STK11: variants seen among roughly 807,000 people sequenced by gnomAD.
The protein encoded by STK11 is serine/threonine-protein kinase STK11.
In STK11, 8 loss-of-function variants were observed where a neutral mutation model predicts 47.3. The ratio of observed to expected loss-of-function variants is 0.17; its 90% CI spans 0.10 to 0.31. The LOEUF (loss-of-function observed/expected upper bound fraction) is 0.31, where lower values mean the gene tolerates loss of function less well. STK11 is among the 10% of genes least tolerant of loss of function. STK11 has a pLI of 1.00. For missense variants in STK11, 475 were observed against 605.0 expected, an observed-to-expected ratio of 0.79 and a Z score of 2.25; for synonymous variants, 330 against 255.8, an observed-to-expected ratio of 1.29 and a Z score of -2.77.
intron 5 of STK11, 42 bp from the exon 6 acceptor site, chr19:1,221,171 C>A: frequency 6.2e-7 from 1 of 1,609,166 alleles, no homozygotes; most frequent in Non-Finnish European, 8.5e-7. Context: ...GCGTCAACCA[C>A]CTTGACTGAC....
Position 1,223,108 on chromosome 19 carries a change from C to A in STK11, c.1044C>A (p.Asp348Glu). The A allele has an allele frequency of 6.2e-7, 1 of 1,611,510 alleles. No homozygotes were observed. The highest frequency in any genetic ancestry group is 1.1e-5 in the South Asian group (1 of 90,748). The change falls in exon 8 of 10, where the codon GAC (aspartate) becomes GAA (glutamate). Residue 348 changes from aspartate (D) to glutamate (E), a missense_variant. Asp to Glu is a conservative substitution (Grantham distance 45). This residue lies in a region of STK11 where 219 missense variants were observed against 189.2 expected (regional missense o/e 1.16). Coordinates refer to ENST00000326873, the MANE Select transcript of STK11 (RefSeq NM_000455.5). ...VPYLEDLHGADEDEDLFDIED... is the reference protein window; with the variant it reads ...VPYLEDLHGAEEDEDLFDIED... ...ACTTGGAGGACCTGCACGGCGCGGA[C>A]GAGGACGAGGACCTCTTCGACATCG...
At chr19:1,210,348 G>A (rs867213881) in intron 1 of STK11, among the ~76,000 whole-genome samples, 3 of 152,162 alleles carry the variant, frequency 2.0e-5, no homozygotes, top group South Asian at 2.1e-4. Context: ...GTCTCGCAGC[G>A]AGTGTCTGGA....
At position 1,227,890 on chromosome 19, in the gene STK11, GC is replaced by G; in HGVS notation, c.*317del. On this transcript the variant is annotated 3_prime_UTR_variant, in exon 10 of 10. Transcript: ENST00000326873. ...ACTTTATGTGGAGACTACTGGCCCC[GC>G]CCGTGGCCTCGTGCTCCGCAGGGCG... The G allele has an allele frequency of 9.4e-7, 1 of 1,069,492 alleles. No individual in the cohort carries two copies. The highest frequency in any genetic ancestry group is 5.3e-5 in the Admixed American group (1 of 18,770). 66.3% of individuals were successfully genotyped at this position (1,069,492 alleles called of 1,614,324 possible).
Position 1,206,750 on chromosome 19 carries a change from T to C in STK11, c.-164T>C. The C allele has an allele frequency of 1.0e-6, 1 of 952,744 alleles. No individual in the cohort carries two copies. Among genetic ancestry groups the C allele is most frequent in the Non-Finnish European group, 1.5e-6 (1 of 661,800 alleles). 59.0% of individuals were successfully genotyped at this position (952,744 alleles called of 1,614,324 possible). Reference sequence around the variant, plus strand: ...CGGGACTGACGTGTAGAACAATCGTTTCTGTTGGAAGAAGGGTTTTTCCCT... The same window carrying C: ...CGGGACTGACGTGTAGAACAATCGTCTCTGTTGGAAGAAGGGTTTTTCCCT... On this transcript the variant is annotated 5_prime_UTR_variant, in exon 1 of 10. Coordinates refer to ENST00000326873, the MANE Select transcript of STK11 (RefSeq NM_000455.5).
intron 1 of STK11, among the ~76,000 whole-genome samples, chr19:1,211,815 C>T (rs1011177873): frequency 6.6e-6 from 1 of 152,226 alleles, no homozygotes; most frequent in African/African-American, 2.4e-5. Context: ...TGCCTGGTTG[C>T]GGCGATGATT....
chr19:1,209,064 C>T (rs1407174856), intron 1 of STK11, among the ~76,000 whole-genome samples: 2 of 152,140 alleles, frequency 1.3e-5, no homozygotes, highest in Non-Finnish European at 2.9e-5. Flanking sequence ...TTTCTGATGT[C>T]TCAGTGCCCA....
intron 1 of STK11, among the ~76,000 whole-genome samples, chr19:1,214,100 C>T (rs756940513): frequency 1.1e-4 from 17 of 152,244 alleles, no homozygotes; most frequent in Non-Finnish European, 1.6e-4. Flanking sequence ...CCCCAAGAGC[C>T]GGGCTTCCCC....
chr19:1,207,219 T>C lies in STK11; in HGVS notation c.290+16T>C, dbSNP rs1242862139. On this transcript the variant is annotated intron_variant, in intron 1 of 9. Coordinates refer to ENST00000326873, the MANE Select transcript of STK11 (RefSeq NM_000455.5). ...ACGTGAAGAAGTAAGTATGGCTTGC[T>C]GGGGTCGGGGCCGGGCCGGGCCAGT... is the stretch of plus-strand genomic sequence containing the variant. 6.3e-7 allele frequency: 1 copy of C among 1,587,642 alleles called. No individual in the cohort carries two copies. Among genetic ancestry groups the C allele is most frequent in the Non-Finnish European group, 8.6e-7 (1 of 1,167,134 alleles).
chr19:1,225,786 C>T, intron 8 of STK11: 1 of 985,570 alleles, frequency 1.0e-6, no homozygotes, highest in African/African-American at 1.7e-5. Flanking sequence ...GAGTCCTCGC[C>T]AACCACCACG....
At chr19:1,218,331 A>G (rs2145420204) in intron 1 of STK11, 86 bp from the exon 2 acceptor site, 1 of 1,092,306 alleles carries the variant, frequency 9.2e-7, no homozygotes, top group Non-Finnish European at 1.4e-6. Context: ...CCACTTCCAC[A>G]GGGAGATGGG....
intron 8 of STK11, chr19:1,225,424 C>T: frequency 1.3e-6 from 1 of 780,616 alleles, no homozygotes; most frequent in Non-Finnish European, 1.6e-6. Context: ...TGCGCGCCAG[C>T]ATGCCCGGCT....
At position 1,228,099 on chromosome 19, in the gene STK11, G is replaced by A. The variant is rs1408623023; in HGVS notation, c.*523G>A. On this transcript the variant is annotated 3_prime_UTR_variant, in exon 10 of 10. Coordinates refer to ENST00000326873, the MANE Select transcript of STK11 (RefSeq NM_000455.5). ...AAAAAATAAAAGGTGGATTTGAGCT[G>A]TGGCTGTGAGGGGTGTTTGGGAGCT... 1 of 1,063,996 alleles carries A rather than the reference G, an allele frequency of 9.4e-7. No individual in the cohort carries two copies. Among genetic ancestry groups the A allele is most frequent in the Non-Finnish European group, 1.1e-6 (1 of 878,548 alleles). 65.9% of individuals were successfully genotyped at this position (1,063,996 alleles called of 1,614,324 possible).
chr19:1,219,846 TG>T (rs751499548), intron 3 of STK11, among the ~76,000 whole-genome samples: 4 of 152,210 alleles, frequency 2.6e-5, no homozygotes, highest in Non-Finnish European at 4.4e-5. Flanking sequence ...CGCCCGGCCT[TG>T]TAAAGGCCCA....
chr19:1,223,892 T>C (rs938002932), intron 8 of STK11: 26 of 1,016,446 alleles, frequency 2.6e-5, no homozygotes, highest in Non-Finnish European at 2.9e-5. Flanking sequence ...GGGTGGATGC[T>C]TGCTGCGCTC....
intron 8 of STK11, chr19:1,226,128 C>G (rs1438512045): frequency 4.2e-6 from 5 of 1,187,274 alleles, no homozygotes; most frequent in Non-Finnish European, 3.1e-6. Context: ...ACGGGAGGGT[C>G]CTGCCTTGTC....
intron 1 of STK11, among the ~76,000 whole-genome samples, chr19:1,213,345 C>A (rs949079604): frequency 2.6e-5 from 4 of 152,160 alleles, no homozygotes; most frequent in Non-Finnish European, 5.9e-5. Context: ...AGTACATTGA[C>A]AGAGTTGCAC....
In STK11 at chr19:1,227,764, T is replaced by TC. The variant is rs2080836559; in HGVS notation, c.*194dup. 2.8e-6 allele frequency: 3 copies of TC among 1,073,252 alleles called. No homozygotes were observed. Among genetic ancestry groups the TC allele is most frequent in the Non-Finnish European group, 2.3e-6 (2 of 884,218 alleles). The allele number at this position is 1,073,252 out of a possible 1,614,324, so 66.5% of individuals were successfully genotyped here. On this transcript the variant is annotated 3_prime_UTR_variant, in exon 10 of 10. Transcript: ENST00000326873. ...GGACAGCAGGGACCGGGCGCAGCCC[T>TC]CCCCCCTCGGCCGCCCGGCAGTGCA...
intron 3 of STK11, 152 bp from the exon 4 acceptor site, chr19:1,220,220 TG>T: frequency 9.4e-7 from 1 of 1,065,860 alleles, no homozygotes; most frequent in South Asian, 1.7e-5. Context: ...GGCTCCCTGC[TG>T]GACCTAGCCT....
At chr19:1,217,256 C>T (rs1464352630) in intron 1 of STK11, among the ~76,000 whole-genome samples, 5 of 152,012 alleles carry the variant, frequency 3.3e-5, no homozygotes, top group Admixed American at 2.6e-4. Context: ...TTCTGTTGTC[C>T]AGGCTGGAGT....
Sources: gnomAD v4.1 joint callset for allele counts (sites outside exome capture counted in the v4.1 genomes callset) on GRCh38, gnomAD v4.1.1 for gene constraint, gnomAD v4.1.1 regional missense constraint, MANE v1.5 for transcripts, NCBI Gene and HGNC (gene_info 2026-07-23, HGNC 2026-07-21) for gene names.